Variants in NAT1 observed in about 807,000 individuals in gnomAD.
NAT1 encodes the protein arylamine N-acetyltransferase 1.
For missense variants in NAT1, 400 were observed against 339.2 expected (o/e 1.18, Z -1.41); for synonymous variants, 144 against 122.6 (o/e 1.17, Z -1.16).
Position 18,222,091 on chromosome 8 carries a change from C to G in NAT1, c.44C>G (p.Ser15Cys). Residue 15 changes from serine to cysteine, a missense_variant, in exon 3 of 3, where the codon TCT (serine) becomes TGT (cysteine). By Grantham distance (112) the Ser-to-Cys change is moderately radical. Transcript: ENST00000307719. Reference sequence around the variant, plus strand: ...CTTGAAAGAATTGGCTATAAGAAGTCTAGGAACAAATTGGACTTGGAAACA... The same window carrying G: ...CTTGAAAGAATTGGCTATAAGAAGTGTAGGAACAAATTGGACTTGGAAACA... The part of the protein sequence containing the change: ...AYLERIGYKK[S>C]RNKLDLETLT... 1 of 1,614,032 alleles carries G rather than the reference C, an allele frequency of 6.2e-7. No individual in the cohort carries two copies.
intron 2 of NAT1, among the ~76,000 whole-genome samples, chr8:18,191,690 T>C (rs1164742922): frequency 2.0e-5 from 3 of 152,112 alleles, no homozygotes; most frequent in African/African-American, 4.8e-5. Flanking sequence ...TAACGCCGCA[T>C]ATCTACAACT....
upstream of NAT1, among the ~76,000 whole-genome samples, chr8:18,207,099 G>A (rs1007230912): frequency 6.6e-6 from 1 of 152,156 alleles, no homozygotes; most frequent in South Asian, 2.1e-4. Context: ...TGGCTAGCCA[G>A]TTCTCCCAGC....
At chr8:18,207,468 C>G (rs1803773281), upstream of NAT1, among the ~76,000 whole-genome samples, 1 of 152,126 alleles carries the variant, frequency 6.6e-6, no homozygotes, top group African/African-American at 2.4e-5. Context: ...TTATAAATTA[C>G]TTTGGGCAGT....
chr8:18,177,266 A>G lies in NAT1; in HGVS notation n.92+6527A>G, dbSNP rs370959448. On this transcript the variant is annotated intron_variant and non_coding_transcript_variant, in intron 2 of 4. Transcript: ENST00000517441. The stretch of plus-strand genomic sequence containing the variant: ...TTACCTATCCCACTATATTCCAAGA[A>G]TAGTAAATATTAAAAGACATTGAAT... Among the ~76,000 whole-genome samples, 6 of 152,220 alleles carry G rather than the reference A, an allele frequency of 3.9e-5. No individual in the cohort carries two copies. In the East Asian group the frequency reaches 7.7e-4, roughly 20 times the overall value.
At chr8:18,218,744 G>T (rs1328027210) in intron 1 of NAT1, among the ~76,000 whole-genome samples, 3 of 152,024 alleles carry the variant, frequency 2.0e-5, no homozygotes, top group African/African-American at 7.3e-5. Context: ...AACCAAAAAG[G>T]GGGAGGCAGG....
At chr8:18,211,285 A>C (rs1486686504) in intron 1 of NAT1, 1 of 152,312 alleles carries the variant, frequency 6.6e-6, no homozygotes, top group Non-Finnish European at 1.5e-5. Flanking sequence ...CTGAGGGCCC[A>C]ACAGGCTTTC....
At chr8:18,180,987 G>C (rs577539651) in intron 2 of NAT1, among the ~76,000 whole-genome samples, 1 of 151,738 alleles carries the variant, frequency 6.6e-6, no homozygotes, top group East Asian at 1.9e-4. Flanking sequence ...AGCTATTCAG[G>C]GTCTTTTGTA....
upstream of NAT1, among the ~76,000 whole-genome samples, chr8:18,208,323 A>G (rs1170136192): frequency 1.3e-5 from 2 of 152,242 alleles, no homozygotes; most frequent in Non-Finnish European, 1.5e-5. Flanking sequence ...GTAAAAAATA[A>G]GCCTAAAAGG....
At chr8:18,198,974 G>A (rs1803348210) in intron 2 of NAT1, among the ~76,000 whole-genome samples, 1 of 150,628 alleles carries the variant, frequency 6.6e-6, no homozygotes, top group South Asian at 2.1e-4. Flanking sequence ...CTTTTTTTTG[G>A]AAAAAAAAGG....
At chr8:18,201,243 A>G (rs1803449637) in intron 2 of NAT1, 1 of 152,210 alleles carries the variant, frequency 6.6e-6, no homozygotes, top group Admixed American at 6.5e-5. Flanking sequence ...ATGAGTCAAA[A>G]TCATTTGTTT....
chr8:18,222,275 C>A lies in NAT1; in HGVS notation c.228C>A (p.Tyr76Ter), dbSNP rs758659369. Residue 76 changes from tyrosine (Y) to a stop codon, truncating the protein, a stop_gained, in exon 3 of 3, where the codon TAC (tyrosine) becomes TAA (stop). Transcript: ENST00000307719. LOFTEE classifies it low-confidence loss of function (END_TRUNC). ...GTCTCCAGGTCAATCATCTTCTGTACTGGGCTCTGACCACTATTGGTTTTG... is the reference window on the plus strand; with the variant it reads ...GTCTCCAGGTCAATCATCTTCTGTAATGGGCTCTGACCACTATTGGTTTTG... ...GWCLQVNHLLYWALTTIGFET... is the reference protein window; with the variant it reads ...GWCLQVNHLL 1.9e-6 allele frequency: 3 copies of A among 1,614,136 alleles called. No individual in the cohort carries two copies. The highest frequency in any genetic ancestry group is 2.5e-6 in the Non-Finnish European group (3 of 1,180,010).
chr8:18,191,203 G>A (rs1026170358), intron 2 of NAT1, among the ~76,000 whole-genome samples: 1 of 152,188 alleles, frequency 6.6e-6, no homozygotes, highest in East Asian at 1.9e-4. Flanking sequence ...TCAGGCTCAA[G>A]TGAGCATTTC....
At chr8:18,191,181 C>T (rs1299605950) in intron 2 of NAT1, among the ~76,000 whole-genome samples, 1 of 152,118 alleles carries the variant, frequency 6.6e-6, no homozygotes, top group Non-Finnish European at 1.5e-5. Flanking sequence ...CATACAATAT[C>T]CTTAATTAAG....
chr8:18,188,680 T>C (rs1456659504), intron 2 of NAT1, among the ~76,000 whole-genome samples: 3 of 151,964 alleles, frequency 2.0e-5, no homozygotes, highest in East Asian at 1.9e-4. Context: ...TTTTAATTGA[T>C]ATGTAATAGA....
At chr8:18,176,829 T>A (rs1308677092) in intron 2 of NAT1, among the ~76,000 whole-genome samples, 1 of 151,990 alleles carries the variant, frequency 6.6e-6, no homozygotes, top group African/African-American at 2.4e-5. Flanking sequence ...AGTTTAACAA[T>A]TCTAATTTTT....
chr8:18,191,825 T>G (rs899060433), intron 2 of NAT1, among the ~76,000 whole-genome samples: 5 of 151,312 alleles, frequency 3.3e-5, no homozygotes, highest in East Asian at 1.9e-4. Flanking sequence ...TTACACCTTA[T>G]ACAAAAATTA....
At chr8:18,195,722 C>G (rs953798314) in intron 2 of NAT1, among the ~76,000 whole-genome samples, 6 of 146,272 alleles carry the variant, frequency 4.1e-5, no homozygotes, top group African/African-American at 1.7e-4. Flanking sequence ...ATAGTGTGGT[C>G]TGTCCTCCTG....
chr8:18,191,478 T>C (rs1187312639), intron 2 of NAT1, among the ~76,000 whole-genome samples: 1 of 152,000 alleles, frequency 6.6e-6, no homozygotes, highest in Non-Finnish European at 1.5e-5. Context: ...CTTCACAGAA[T>C]TGGAAAAAAC....
chr8:18,200,213 A>G (rs528737845), intron 2 of NAT1, among the ~76,000 whole-genome samples: 1 of 152,354 alleles, frequency 6.6e-6, no homozygotes, highest in Non-Finnish European at 1.5e-5. Context: ...AGGAATATAA[A>G]TTATTCTACC....
Sources: gnomAD v4.1 joint callset for allele counts (sites outside exome capture counted in the v4.1 genomes callset) on GRCh38, gnomAD v4.1.1 for gene constraint, MANE v1.5 for transcripts, NCBI Gene and HGNC (gene_info 2026-07-23, HGNC 2026-07-21) for gene names.